PHF24: variants seen among roughly 807,000 people sequenced by gnomAD.
PHF24 encodes Galpha inhibitory interacting protein.
In PHF24, 25 loss-of-function variants were observed where a neutral mutation model predicts 42.6. The observed-to-expected ratio is 0.59, with a 90% CI of 0.43 to 0.82. PHF24 has a LOEUF of 0.82. Among genes scored for constraint, PHF24 ranks in the 40% least tolerant of loss-of-function variants. PHF24 has a pLI of 0.00. For synonymous variants in PHF24, 185 were observed against 204.8 expected (o/e 0.90, Z 0.83); for missense variants, 470 against 538.1 (o/e 0.87, Z 1.25).
At chr9:34,842,548 C>T in the PHF24 span, among the ~76,000 whole-genome samples, 5,912 of 152,184 alleles carry the variant, frequency 0.039, 294 homozygotes, top group African/African-American at 0.1. Flanking sequence ...TGTGAAGGAG[C>T]TGTTTGCCCC....
At chr9:34,806,453 G>T in the PHF24 span, among the ~76,000 whole-genome samples, 8 of 152,144 alleles carry the variant, frequency 5.3e-5, no homozygotes, top group Admixed American at 2.0e-4. Context: ...TTGTTTTGGG[G>T]TTTTTTGTGT....
the PHF24 span, among the ~76,000 whole-genome samples, chr9:34,944,320 C>A: frequency 2.6e-5 from 4 of 152,216 alleles, no homozygotes; most frequent in African/African-American, 9.6e-5. Context: ...AGGTATATCA[C>A]CTAGCTTCTG....
the PHF24 span, among the ~76,000 whole-genome samples, chr9:34,820,282 T>C: frequency 5.9e-5 from 9 of 152,098 alleles, no homozygotes; most frequent in African/African-American, 2.2e-4. Context: ...GATTGTTATA[T>C]AGGTAAATTG....
At chr9:34,735,799 T>TAA in the PHF24 span, among the ~76,000 whole-genome samples, 1 of 137,256 alleles carries the variant, frequency 7.3e-6, no homozygotes, top group African/African-American at 2.7e-5. Context: ...AGACTCCCTC[T>TAA]AAAAAAAAAA....
At chr9:34,842,096 C>T in the PHF24 span, among the ~76,000 whole-genome samples, 21 of 152,074 alleles carry the variant, frequency 1.4e-4, no homozygotes, top group African/African-American at 4.8e-4. Flanking sequence ...AGTATGTATA[C>T]ATTTATGTCT....
chr9:34,766,534 C>T, the PHF24 span, among the ~76,000 whole-genome samples: 783 of 152,344 alleles, frequency 5.1e-3, 10 homozygotes, highest in African/African-American at 0.018. Flanking sequence ...GTTCTCGAGC[C>T]TTGGCTTTCA....
chr9:34,723,128 C>T, the PHF24 span: 2 of 1,365,122 alleles, frequency 1.5e-6, no homozygotes, highest in Non-Finnish European at 2.0e-6. Flanking sequence ...AATACTGGTC[C>T]TCTGGAGGGC....
At chr9:34,728,798 C>A in the PHF24 span, 1 of 791,958 alleles carries the variant, frequency 1.3e-6, no homozygotes, top group South Asian at 1.8e-5. Context: ...CTTCCTTTGC[C>A]TATTCCACCT....
chr9:34,721,686 C>T, the PHF24 span, among the ~76,000 whole-genome samples: 4 of 152,298 alleles, frequency 2.6e-5, no homozygotes, highest in South Asian at 8.3e-4. Flanking sequence ...GCCAGGATTA[C>T]AGGTGTGAGC....
chr9:34,687,944 C>A, the PHF24 span, among the ~76,000 whole-genome samples: 1 of 152,156 alleles, frequency 6.6e-6, no homozygotes, highest in South Asian at 2.1e-4. Context: ...AATGCAGAAA[C>A]AGCTGAATGA....
At chr9:34,724,226 G>A in the PHF24 span, 57 of 1,551,394 alleles carry the variant, frequency 3.7e-5, no homozygotes, top group Admixed American at 1.1e-3. Context: ...AGGCATGTGG[G>A]CCTCTGTCAT....
At chr9:34,793,778 CTT>C in the PHF24 span, among the ~76,000 whole-genome samples, 4,224 of 143,944 alleles carry the variant, frequency 0.029, 93 homozygotes, top group South Asian at 0.095. Context: ...TCCTCTGTTT[CTT>C]TTTTTTTTTT....
chr9:34,936,780 G>A, the PHF24 span, among the ~76,000 whole-genome samples: 10 of 148,490 alleles, frequency 6.7e-5, no homozygotes, highest in Non-Finnish European at 1.2e-4. Context: ...GGGAGGTGAG[G>A]ACCGTCTCTG....
chr9:34,670,542 G>A, the PHF24 span, among the ~76,000 whole-genome samples: 4 of 152,268 alleles, frequency 2.6e-5, no homozygotes, highest in South Asian at 4.1e-4. Flanking sequence ...ACAACTCTCC[G>A]CAGTAGACTG....
chr9:34,910,274 C>T, the PHF24 span, among the ~76,000 whole-genome samples: 1 of 152,228 alleles, frequency 6.6e-6, no homozygotes, highest in Admixed American at 6.5e-5. Context: ...TGAGGATCTC[C>T]TCTCTTTTGT....
At chr9:34,837,126 G>C in the PHF24 span, 2 of 471,166 alleles carry the variant, frequency 4.2e-6, no homozygotes, top group East Asian at 6.9e-5. Context: ...AAGTCTCCTA[G>C]CTGAGGAACC....
exon 2 of PHF24, chr9:34,971,411 G>A (rs560259856): frequency 2.5e-6 from 4 of 1,614,072 alleles, no homozygotes; most frequent in East Asian, 2.2e-5. Context: ...CGACGCACAG[G>A]TGAGCTGCCA....
At chr9:34,794,067 A>G in the PHF24 span, among the ~76,000 whole-genome samples, 2 of 152,038 alleles carry the variant, frequency 1.3e-5, no homozygotes, top group Non-Finnish European at 2.9e-5. Context: ...AGCTTGGGAA[A>G]GCAACTCCTC....
the PHF24 span, among the ~76,000 whole-genome samples, chr9:34,738,035 A>ATT: frequency 6.6e-6 from 1 of 151,662 alleles, no homozygotes; most frequent in Non-Finnish European, 1.5e-5. Context: ...TTATGCAGAG[A>ATT]GACTACATAG....
Sources: gnomAD v4.1 joint callset for allele counts (sites outside exome capture counted in the v4.1 genomes callset) on GRCh38, gnomAD v4.1.1 for gene constraint, MANE v1.5 for transcripts, NCBI Gene and HGNC (gene_info 2026-07-23, HGNC 2026-07-21) for gene names.